KIR3DL3: variants seen among roughly 807,000 people sequenced by gnomAD.
KIR3DL3 encodes killer cell immunoglobulin like receptor, three Ig domains and long cytoplasmic tail 3.
In KIR3DL3, 27 loss-of-function variants were observed where a neutral mutation model predicts 34.9. The ratio of observed to expected loss-of-function variants is 0.77; its 90% CI spans 0.57 to 1.07. The LOEUF is 1.07. KIR3DL3 is among the 50% of genes least tolerant of loss of function. The pLI, the probability that KIR3DL3 is intolerant of heterozygous loss-of-function variation, is 0.00. For synonymous variants in KIR3DL3, 217 were observed against 200.2 expected (o/e 1.08, Z -0.71); for missense variants, 681 against 528.5 (o/e 1.29, Z -2.83).
intron 5 of KIR3DL3, among the ~76,000 whole-genome samples, chr19:54,732,812 G>GGA (rs1379481558): frequency 1.3e-5 from 2 of 152,182 alleles, no homozygotes; most frequent in Non-Finnish European, 2.9e-5. Flanking sequence ...GTAGAGAGAT[G>GGA]GAGAGCACAC....
chr19:54,729,921 G>A, intron 5 of KIR3DL3, 135 bp downstream of exon 5: 2 of 624,300 alleles, frequency 3.2e-6, no homozygotes, highest in Non-Finnish European at 5.0e-6. Flanking sequence ...GCGGGGTCAG[G>A]GCGCAGGATG....
chr19:54,730,912 G>C (rs1187964008), intron 5 of KIR3DL3, among the ~76,000 whole-genome samples: 1 of 152,220 alleles, frequency 6.6e-6, no homozygotes, highest in Non-Finnish European at 1.5e-5. Context: ...ATGTCACTTC[G>C]ATACGCTGAT....
intron 2 of KIR3DL3, 65 bp downstream of exon 2, chr19:54,725,347 A>G (rs563169809): frequency 1.6e-6 from 2 of 1,239,174 alleles, no homozygotes; most frequent in East Asian, 2.4e-5. Context: ...CTGAAACGGG[A>G]GGCAGGCGAC....
chr19:54,727,363 A>T (rs1017217027), intron 3 of KIR3DL3, among the ~76,000 whole-genome samples: 88 of 132,118 alleles, frequency 6.7e-4, no homozygotes, highest in Middle Eastern at 3.6e-3. Context: ...AAACAGATAC[A>T]ACAGCCTAAG....
Position 54,736,222 on chromosome 19 carries a change from C to G in KIR3DL3, c.*126C>G. On this transcript the variant is annotated 3_prime_UTR_variant, in exon 8 of 8. Coordinates refer to ENST00000291860, the MANE Select transcript of KIR3DL3 (RefSeq NM_153443.5). ...GTCTCAAAACCGGGTTGCCAGCTCC[C>G]ATGTACCAGCAGCTGGACTCTGAAG... The G allele has an allele frequency of 7.8e-7, 1 of 1,281,258 alleles. No individual in the cohort carries two copies. Among genetic ancestry groups the G allele is most frequent in the Non-Finnish European group, 1.1e-6 (1 of 888,700 alleles). 79.4% of individuals were successfully genotyped at this position (1,281,258 alleles called of 1,614,324 possible).
chr19:54,727,463 A>T, intron 3 of KIR3DL3, 148 bp from the exon 4 acceptor site: 1 of 777,834 alleles, frequency 1.3e-6, no homozygotes, highest in South Asian at 1.8e-5. Context: ...AGGGACCTGC[A>T]ACAGGGGTTA....
intron 5 of KIR3DL3, among the ~76,000 whole-genome samples, chr19:54,733,352 T>C (rs1447303089): frequency 2.0e-5 from 3 of 151,952 alleles, no homozygotes; most frequent in Non-Finnish European, 4.4e-5. Flanking sequence ...GCCAACATGG[T>C]GAAACCCCGT....
Position 54,736,066 on chromosome 19 carries a change from C to T in KIR3DL3, c.1203C>T (p.Pro401=). The T allele has an allele frequency of 6.2e-7, 1 of 1,613,724 alleles. No individual in the cohort carries two copies. The highest frequency in any genetic ancestry group is 8.5e-7 in the Non-Finnish European group (1 of 1,179,976). ...QRKITRPSQR[P]KTPPTDTSV ...AAATCACTCGCCCTTCTCAGAGGCC[C>T]AAGACACCCCCAACAGATACCAGCG... is the stretch of plus-strand genomic sequence containing the variant. Residue 401 remains proline (P), a synonymous_variant, in exon 8 of 8, where the codon CCC becomes CCT. Coordinates refer to ENST00000291860, the MANE Select transcript of KIR3DL3 (RefSeq NM_153443.5).
In KIR3DL3 at chr19:54,724,545, G is replaced by T. The variant is rs368555812; in HGVS notation, c.34+15G>T. 1.2e-6 allele frequency: 2 copies of T among 1,609,624 alleles called. No homozygotes were observed. Among genetic ancestry groups the T allele is most frequent in the Non-Finnish European group, 1.7e-6 (2 of 1,178,784 alleles). ...GGCGTGTGTTGGTGAGTCCTGGAAG[G>T]GAATCGAGGGAGGGAGCGCTGGGGT... is the stretch of plus-strand genomic sequence containing the variant. On this transcript the variant is annotated intron_variant, in intron 1 of 7. Transcript: ENST00000291860.
At chr19:54,729,034 T>G (rs1470328697) in intron 4 of KIR3DL3, among the ~76,000 whole-genome samples, 1 of 148,766 alleles carries the variant, frequency 6.7e-6, no homozygotes, top group East Asian at 1.9e-4. Flanking sequence ...GATGGATAGA[T>G]GCATACATAC....
At chr19:54,733,873 T>C (rs1421369435) in intron 5 of KIR3DL3, among the ~76,000 whole-genome samples, 1 of 152,034 alleles carries the variant, frequency 6.6e-6, no homozygotes, top group Non-Finnish European at 1.5e-5. Flanking sequence ...CTCTTTGGAG[T>C]GAGCTCAGAT....
At chr19:54,730,885 C>T (rs1464800579) in intron 5 of KIR3DL3, among the ~76,000 whole-genome samples, 1 of 152,220 alleles carries the variant, frequency 6.6e-6, no homozygotes, top group Non-Finnish European at 1.5e-5. Flanking sequence ...ACTGCTGGAA[C>T]AGTCATGGGA....
chr19:54,732,997 G>A (rs1202727287), intron 5 of KIR3DL3, among the ~76,000 whole-genome samples: 26 of 152,268 alleles, frequency 1.7e-4, no homozygotes, highest in South Asian at 1.2e-3. Flanking sequence ...GGCAATTCCC[G>A]CCCCACTGGT....
chr19:54,729,982 G>A (rs1193094587), intron 5 of KIR3DL3, among the ~76,000 whole-genome samples, 196 bp downstream of exon 5: 1 of 148,554 alleles, frequency 6.7e-6, no homozygotes, highest in Non-Finnish European at 1.5e-5. Context: ...GGATGCCCTT[G>A]ATCAGGGTTC....
At chr19:54,727,526 T>C in intron 3 of KIR3DL3, 85 bp from the exon 4 acceptor site, 1 of 1,284,572 alleles carries the variant, frequency 7.8e-7, no homozygotes. Context: ...ATAGACACCA[T>C]GGAGGGGAAG....
At chr19:54,726,562 G>T (rs1470890338) in intron 3 of KIR3DL3, among the ~76,000 whole-genome samples, 1 of 145,796 alleles carries the variant, frequency 6.9e-6, no homozygotes, top group East Asian at 2.0e-4. Flanking sequence ...TAGGGCAGGG[G>T]ACTGAAGAGG....
At chr19:54,727,479 AC>A in intron 3 of KIR3DL3, 131 bp from the exon 4 acceptor site, 1 of 855,588 alleles carries the variant, frequency 1.2e-6, no homozygotes, top group Non-Finnish European at 1.8e-6. Flanking sequence ...GGTTATGGGC[AC>A]AAAAGAACAC....
At chr19:54,725,125 AGGTGGAGATATAGGCCTGG>A (rs2068021232) in intron 1 of KIR3DL3, 103 bp from the exon 2 acceptor site, 1 of 290,312 alleles carries the variant, frequency 3.4e-6, no homozygotes, top group African/African-American at 4.6e-5. Context: ...TATAGGACGG[AGGTGGAGATATAGGCCTGG>A]AGTGGAGATA....
intron 4 of KIR3DL3, among the ~76,000 whole-genome samples, chr19:54,728,470 C>T (rs2068444518): frequency 6.7e-6 from 1 of 148,970 alleles, no homozygotes; most frequent in Admixed American, 6.8e-5. Flanking sequence ...CCTGGAGTCC[C>T]CATACTGGAT....
Sources: gnomAD v4.1 joint callset for allele counts (sites outside exome capture counted in the v4.1 genomes callset) on GRCh38, gnomAD v4.1.1 for gene constraint, MANE v1.5 for transcripts, NCBI Gene and HGNC (gene_info 2026-07-23, HGNC 2026-07-21) for gene names.